REV3L: variants seen among roughly 807,000 people sequenced by gnomAD.
REV3L encodes DNA polymerase zeta catalytic subunit.
REV3L carries 69 observed loss-of-function variants against 299.4 expected under a neutral mutation model. That is an observed-to-expected ratio of 0.23 (90% CI 0.19 to 0.28). REV3L has a LOEUF of 0.28. Ranked by LOEUF, REV3L falls within the 10% of genes least tolerant of loss-of-function variation. The pLI is 1.00. For synonymous variants in REV3L, 1,238 were observed against 1,271.4 expected (o/e 0.97, Z 0.56); for missense variants, 3,128 against 3,693.8 (o/e 0.85, Z 3.97).
At chr6:111,364,125 G>GT in intron 15 of REV3L, 147 bp from the exon 16 acceptor site, 1 of 1,116,314 alleles carries the variant, frequency 9.0e-7, no homozygotes, top group Non-Finnish European at 1.2e-6. Flanking sequence ...AGAACAAACT[G>GT]TATTTTATTA....
At chr6:111,338,172 G>C (rs932732472) in intron 21 of REV3L, among the ~76,000 whole-genome samples, 1 of 152,098 alleles carries the variant, frequency 6.6e-6, no homozygotes, top group African/African-American at 2.4e-5. Flanking sequence ...TGCTGACTGG[G>C]CACGAATATT....
At position 111,422,631 on chromosome 6, in the gene REV3L, CACATAT is replaced by C. The variant is rs1562287350; in HGVS notation, c.140-6165_140-6160del. 6.7e-3 allele frequency among the ~76,000 whole-genome samples: 86 copies of C among 12,748 alleles called. 16 individuals carry two copies. The highest frequency in any genetic ancestry group is 0.019 in the Non-Finnish European group (54 of 2,810). 8.4% of individuals were successfully genotyped at this position (12,748 alleles called of 152,430 possible). Reference sequence around the variant, plus strand: ...ATATATACACATATATATATATATACACATATATATATATATACATATATATATATA... The same window carrying C: ...ATATATACACATATATATATATATACATATATATATACATATATATATATA... On this transcript the variant is annotated intron_variant, in intron 1 of 31. Transcript: ENST00000368802.
At position 111,381,439 on chromosome 6, in the gene REV3L, T is replaced by C. The variant is rs1431964881; in HGVS notation, c.1102A>G (p.Thr368Ala). The C allele has an allele frequency of 1.2e-6, 2 of 1,605,396 alleles. No homozygotes were observed. The highest frequency in any genetic ancestry group is 1.3e-5 in the African/African-American group (1 of 74,472). The change falls in exon 10 of 32, where the codon ACT becomes GCT. Residue 368 changes from threonine to alanine, a missense_variant. By Grantham distance (58) the Thr-to-Ala change is moderately conservative. Coordinates refer to ENST00000368802, the MANE Select transcript of REV3L (RefSeq NM_001372078.1). ...HKDKESSKGHTRHKVEEALIN... is the reference protein window; with the variant it reads ...HKDKESSKGHARHKVEEALIN... ...AGAGCTTCTTCCACTTTGTGTCTAG[T>C]GTGACCTTAATTTGACAAAGAATAA... is the stretch of plus-strand genomic sequence containing the variant.
At chr6:111,319,504 C>T (rs1188064019) in intron 26 of REV3L, among the ~76,000 whole-genome samples, 1 of 151,554 alleles carries the variant, frequency 6.6e-6, no homozygotes, top group African/African-American at 2.4e-5. Context: ...GTTGCCACGG[C>T]TGGGAAAGGT....
intron 17 of REV3L, among the ~76,000 whole-genome samples, chr6:111,357,734 T>C (rs1447518717): frequency 3.3e-5 from 5 of 151,790 alleles, no homozygotes; most frequent in Non-Finnish European, 5.9e-5. Context: ...GAAGAAACTG[T>C]ATTACTTTGT....
rs776136178 is a variant in REV3L at position 111,367,705 on chromosome 6, G to T, written c.6083C>A (p.Thr2028Asn). ...GTTCTCAGCAGATTTTACAACTCCA[G>T]TTGGCTTGGTTTTAGGCAGTTTCTT... Reference protein sequence around the residue: ...RSKKLPKTKPTGVVKSAENFS... With the variant: ...RSKKLPKTKPNGVVKSAENFS... The change falls in exon 14 of 32, where the codon ACT becomes AAT. Residue 2028 changes from threonine to asparagine, a missense_variant. Physicochemically the swap from Thr to Asn is moderately conservative, Grantham distance 65 (BLOSUM62 0). Transcript: ENST00000368802. 6.2e-7 allele frequency: 1 copy of T among 1,614,208 alleles called. No homozygotes were observed. The highest frequency in any genetic ancestry group is 2.2e-5 in the East Asian group (1 of 44,880).
intron 1 of REV3L, among the ~76,000 whole-genome samples, chr6:111,458,620 G>A (rs1357102285): frequency 6.6e-6 from 1 of 151,988 alleles, no homozygotes; most frequent in Non-Finnish European, 1.5e-5. Context: ...AAAATCAGTA[G>A]CATTTCTACG....
chr6:111,426,159 T>G (rs1295350418), intron 1 of REV3L, among the ~76,000 whole-genome samples: 1 of 152,208 alleles, frequency 6.6e-6, no homozygotes, highest in Admixed American at 6.5e-5. Context: ...ACAGAACCCT[T>G]ACCCTGTAGG....
intron 25 of REV3L, among the ~76,000 whole-genome samples, chr6:111,324,930 C>A (rs145995452): frequency 6.6e-6 from 1 of 151,264 alleles, no homozygotes; most frequent in South Asian, 2.1e-4. Flanking sequence ...GGCGCAATCT[C>A]GGCTCACTGC....
intron 18 of REV3L, among the ~76,000 whole-genome samples, chr6:111,352,417 G>A (rs922317448): frequency 1.3e-5 from 2 of 152,294 alleles, no homozygotes; most frequent in South Asian, 4.1e-4. Flanking sequence ...GTATATGAGT[G>A]AAGGTACAAG....
intron 31 of REV3L, among the ~76,000 whole-genome samples, chr6:111,305,199 C>T (rs1241637965): frequency 6.6e-6 from 1 of 152,112 alleles, no homozygotes; most frequent in African/African-American, 2.4e-5. Context: ...CCTCGGCCTC[C>T]GAAAGTGCTG....
intron 29 of REV3L, 75 bp downstream of exon 29, chr6:111,310,994 G>A (rs1048711914): frequency 6.8e-5 from 81 of 1,195,628 alleles, no homozygotes; most frequent in Non-Finnish European, 8.3e-5. Flanking sequence ...TCTATGGACT[G>A]TCTTTTCATT....
chr6:111,409,589 T>TCA (rs1784032682), intron 3 of REV3L, among the ~76,000 whole-genome samples: 1 of 152,134 alleles, frequency 6.6e-6, no homozygotes, highest in Non-Finnish European at 1.5e-5. Context: ...AATCCCCACT[T>TCA]CACACTTTGA....
chr6:111,407,973 ATACACAAAGTATAGATAAATC>A, intron 3 of REV3L, among the ~76,000 whole-genome samples: 1 of 152,300 alleles, frequency 6.6e-6, no homozygotes, highest in African/African-American at 2.4e-5. Flanking sequence ...AAGAAGTTGG[ATACACAAAGTATAGATAAATC>A]TTTCAAGGAG....
chr6:111,449,863 A>G (rs1295937675), intron 1 of REV3L, among the ~76,000 whole-genome samples: 1 of 121,628 alleles, frequency 8.2e-6, no homozygotes, highest in Non-Finnish European at 2.1e-5. Flanking sequence ...CATTATGAGG[A>G]AAAAAATGTA....
chr6:111,346,444 G>T (rs972585829), intron 20 of REV3L, among the ~76,000 whole-genome samples: 1 of 152,134 alleles, frequency 6.6e-6, no homozygotes, highest in African/African-American at 2.4e-5. Context: ...GTAAGAGAAA[G>T]AAATCTAGTA....
At chr6:111,419,128 A>C (rs765526140) in intron 1 of REV3L, among the ~76,000 whole-genome samples, 4 of 152,202 alleles carry the variant, frequency 2.6e-5, no homozygotes, top group Non-Finnish European at 4.4e-5. Flanking sequence ...TAGTCACTCT[A>C]TCAACACAGA....
chr6:111,428,241 A>G (rs1786432174), intron 1 of REV3L, among the ~76,000 whole-genome samples: 1 of 152,178 alleles, frequency 6.6e-6, no homozygotes. Flanking sequence ...CTAAGAAGAC[A>G]GTGACATGAG....
intron 4 of REV3L, among the ~76,000 whole-genome samples, chr6:111,395,763 T>C (rs1466266962): frequency 6.6e-6 from 1 of 152,164 alleles, no homozygotes; most frequent in East Asian, 1.9e-4. Flanking sequence ...TCCTGTCTTC[T>C]TCTAGTTCTT....
Sources: allele counts gnomAD v4.1 joint callset (sites outside exome capture counted in the v4.1 genomes callset), GRCh38; gene constraint gnomAD v4.1.1; transcripts MANE v1.5; gene names NCBI Gene and HGNC (gene_info 2026-07-23, HGNC 2026-07-21).